The following DDAH1 variants were observed in gnomAD, a reference collection of about 807,000 sequenced individuals.
DDAH1 encodes the protein dimethylarginine dimethylaminohydrolase 1.
In DDAH1, 19 loss-of-function variants were observed where a neutral mutation model predicts 28.8. The ratio of observed to expected loss-of-function variants is 0.66; its 90% CI spans 0.46 to 0.97. The LOEUF (loss-of-function observed/expected upper bound fraction) is 0.97, where lower values mean the gene tolerates loss of function less well. Among genes scored for constraint, DDAH1 ranks in the 50% least tolerant of loss-of-function variants. DDAH1 has a pLI of 0.00. For synonymous variants in DDAH1, 153 were observed against 154.4 expected, an observed-to-expected ratio of 0.99 and a Z score of 0.07; for missense variants, 326 against 375.9, an observed-to-expected ratio of 0.87 and a Z score of 1.10.
intron 1 of DDAH1, among the ~76,000 whole-genome samples, chr1:85,442,714 T>G (rs372247986): frequency 1.3e-5 from 2 of 152,116 alleles, no homozygotes; most frequent in Non-Finnish European, 2.9e-5. Context: ...TTTTAATGAT[T>G]GCCATTCTAA....
chr1:85,368,054 T>G (rs1645985415), intron 1 of DDAH1, among the ~76,000 whole-genome samples: 1 of 152,166 alleles, frequency 6.6e-6, no homozygotes, highest in African/African-American at 2.4e-5. Context: ...CAGAAACAAC[T>G]ATTAATGGAG....
upstream of DDAH1, among the ~76,000 whole-genome samples, chr1:85,468,712 G>T (rs1655507855): frequency 6.6e-6 from 1 of 152,066 alleles, no homozygotes; most frequent in Admixed American, 6.6e-5. Context: ...TAGAGACAGG[G>T]TTTCACTGTG....
At chr1:85,558,124 T>C (rs1380110836) in intron 1 of DDAH1, among the ~76,000 whole-genome samples, 1 of 150,762 alleles carries the variant, frequency 6.6e-6, no homozygotes, top group African/African-American at 2.4e-5. Context: ...CCCAGCACTT[T>C]AGGAGGCCAA....
At chr1:85,442,505 T>G (rs1654245346) in intron 1 of DDAH1, among the ~76,000 whole-genome samples, 1 of 152,198 alleles carries the variant, frequency 6.6e-6, no homozygotes, top group African/African-American at 2.4e-5. Context: ...GCAAATGTCT[T>G]TATAGCAGCA....
intron 2 of DDAH1, among the ~76,000 whole-genome samples, chr1:85,481,105 T>TTTG (rs932195619): frequency 1.4e-5 from 2 of 147,220 alleles, no homozygotes; most frequent in African/African-American, 2.5e-5. Context: ...TTTGTTTTTT[T>TTTG]TTTTTTTTTT....
rs1442811613 is a variant in DDAH1 at position 85,464,740 on chromosome 1, T to C, written c.303+3A>G. 3 of 1,528,294 alleles carry C rather than the reference T, an allele frequency of 2.0e-6. No homozygotes were observed. The South Asian group carries it at 3.7e-5, about 19-fold the overall frequency. 94.7% of individuals were successfully genotyped at this position (1,528,294 alleles called of 1,614,324 possible). A position where few individuals can be genotyped will look rare whatever the true frequency, so the allele number is the denominator to read the frequency against. ...CGGCCGCGCCCCTCGAGTCGGCAGT[T>C]ACCTCCTTCCTCCGGCTCGGCGCCC... is the stretch of plus-strand genomic sequence containing the variant. On this transcript the variant is annotated splice_donor_region_variant and intron_variant, in intron 1 of 5. Transcript: ENST00000284031. The surrounding 1 kb of genome is among the most constrained non-coding windows in gnomAD (Gnocchi z 4.4).
At chr1:85,362,620 TG>T (rs1425411372) in intron 1 of DDAH1, among the ~76,000 whole-genome samples, 3 of 152,152 alleles carry the variant, frequency 2.0e-5, no homozygotes, top group African/African-American at 7.2e-5. Flanking sequence ...TTATTAGCAA[TG>T]TGACTTGGAT....
rs999283835 is a variant in DDAH1 at position 85,405,945 on chromosome 1, T to C, written c.304-47098A>G. Among the ~76,000 whole-genome samples the C allele has an allele frequency of 6.6e-5, 10 of 152,352 alleles. No homozygotes were observed. In the East Asian group the frequency reaches 1.9e-3, roughly 29 times the overall value. On this transcript the variant is annotated intron_variant, in intron 1 of 5. Coordinates refer to ENST00000284031, the MANE Select transcript of DDAH1 (RefSeq NM_012137.4). ...GCCAACTTAAAGAGGTTTGGTTGTATTTAAGAGCACACGGATATTAGCCTC... is the reference window on the plus strand; with the variant it reads ...GCCAACTTAAAGAGGTTTGGTTGTACTTAAGAGCACACGGATATTAGCCTC...
chr1:85,438,319 C>A (rs191055877), intron 1 of DDAH1, among the ~76,000 whole-genome samples: 7 of 152,158 alleles, frequency 4.6e-5, no homozygotes, highest in Non-Finnish European at 4.4e-5. Context: ...ACCCCCTGAA[C>A]CTAAAACAAA....
At chr1:85,323,139 T>C (rs1006969782) in intron 5 of DDAH1, among the ~76,000 whole-genome samples, 12 of 152,184 alleles carry the variant, frequency 7.9e-5, no homozygotes, top group Admixed American at 2.6e-4. Flanking sequence ...TTTTATCTGC[T>C]CAGAAAGAGG....
intron 1 of DDAH1, among the ~76,000 whole-genome samples, chr1:85,434,126 C>T (rs1653826729): frequency 6.6e-6 from 1 of 152,164 alleles, no homozygotes; most frequent in Admixed American, 6.5e-5. Context: ...CCTATCCTAA[C>T]AGCACATCTT....
At chr1:85,549,343 G>T (rs914799473) in intron 1 of DDAH1, among the ~76,000 whole-genome samples, 2 of 152,178 alleles carry the variant, frequency 1.3e-5, no homozygotes, top group Admixed American at 1.3e-4. Flanking sequence ...TGGAGTGCTT[G>T]TTTAAACAAG....
chr1:85,475,904 T>C (rs972257864), intron 2 of DDAH1, among the ~76,000 whole-genome samples: 1 of 152,126 alleles, frequency 6.6e-6, no homozygotes, highest in African/African-American at 2.4e-5. Flanking sequence ...CAGGCTGGAG[T>C]GCAATGGCAC....
intron 2 of DDAH1, chr1:85,482,656 C>T (rs1168769719): frequency 6.6e-6 from 1 of 152,176 alleles, no homozygotes; most frequent in East Asian, 1.9e-4. Context: ...TATACATCAA[C>T]CATTCTTTAA....
At chr1:85,413,225 T>G (rs1652740190) in intron 1 of DDAH1, among the ~76,000 whole-genome samples, 1 of 152,180 alleles carries the variant, frequency 6.6e-6, no homozygotes, top group South Asian at 2.1e-4. Flanking sequence ...TAAAGGAAAT[T>G]TACTTAAAGT....
intron 1 of DDAH1, among the ~76,000 whole-genome samples, chr1:85,436,278 A>G (rs990693167): frequency 5.9e-5 from 9 of 151,928 alleles, no homozygotes; most frequent in Non-Finnish European, 1.2e-4. Context: ...TAACCTCTGG[A>G]AGAAACTTGT....
At chr1:85,436,522 T>C (rs990914335) in intron 1 of DDAH1, among the ~76,000 whole-genome samples, 1 of 152,186 alleles carries the variant, frequency 6.6e-6, no homozygotes, top group Non-Finnish European at 1.5e-5. Context: ...TGTGAAAACA[T>C]ATATGCTATA....
upstream of DDAH1, among the ~76,000 whole-genome samples, chr1:85,469,857 C>T (rs760056189): frequency 6.6e-6 from 1 of 152,108 alleles, no homozygotes; most frequent in Non-Finnish European, 1.5e-5. Context: ...TGTTCCTTTT[C>T]CTCTTCTGGA....
At chr1:85,574,875 A>ATCTC (rs145762144) in intron 1 of DDAH1, among the ~76,000 whole-genome samples, 18 of 151,380 alleles carry the variant, frequency 1.2e-4, no homozygotes, top group South Asian at 4.2e-4. Flanking sequence ...GTGAAAACCC[A>ATCTC]TCTCTCTCTC....
Sources: gnomAD v4.1 joint callset for allele counts (sites outside exome capture counted in the v4.1 genomes callset) on GRCh38, gnomAD v4.1.1 for gene constraint, Gnocchi (gnomAD v3.1) non-coding constraint, MANE v1.5 for transcripts, NCBI Gene and HGNC (gene_info 2026-07-23, HGNC 2026-07-21) for gene names.